WDR7: variants seen among roughly 807,000 people sequenced by gnomAD.
WDR7 encodes the protein WD repeat domain 7, also known as WD repeat-containing protein 7.
A neutral mutation model predicts 169.4 loss-of-function variants in WDR7; 46 were observed. That is an observed-to-expected ratio of 0.27 (90% CI 0.21 to 0.35). The LOEUF (loss-of-function observed/expected upper bound fraction) is 0.35. WDR7 is among the 10% of genes least tolerant of loss of function. The pLI, the probability that WDR7 is intolerant of heterozygous loss-of-function variation, is 1.00. For missense variants in WDR7, 1,534 were observed against 1,859.3 expected, an observed-to-expected ratio of 0.83 and a Z score of 3.22; for synonymous variants, 612 against 666.8, an observed-to-expected ratio of 0.92 and a Z score of 1.27.
Position 57,014,546 on chromosome 18 carries a change from A to G in WDR7, c.4165-6199A>G, listed in dbSNP as rs150174568. 3.8e-3 allele frequency among the ~76,000 whole-genome samples: 569 copies of G among 151,180 alleles called. 5 individuals are homozygous for G. Among genetic ancestry groups the G allele is most frequent in the East Asian group, 0.024 (123 of 5,126 alleles). On this transcript the variant is annotated intron_variant, in intron 26 of 27. Transcript: ENST00000254442. ...TTGGTGGGTGCCTATAATCCCAGCT[A>G]CTCAGGAGGCTGAGGCAGGAGAATC...
chr18:56,815,992 T>G, intron 19 of WDR7, 39 bp from the exon 20 acceptor site: 1 of 1,494,828 alleles, frequency 6.7e-7, no homozygotes, highest in Non-Finnish European at 9.0e-7. Context: ...TTACTTTTCA[T>G]TTTTTGAAGT....
intron 15 of WDR7, among the ~76,000 whole-genome samples, chr18:56,758,270 C>G (rs577343621): frequency 1.3e-5 from 2 of 152,274 alleles, no homozygotes; most frequent in Non-Finnish European, 2.9e-5. Flanking sequence ...GTGTCAGTCT[C>G]TGTTGTAAGT....
rs114842150 is a variant in WDR7, at chr18:56,796,097, G to A, written c.3190+14441G>A. The stretch of plus-strand genomic sequence containing the variant: ...TAATGCACTAAACATATTTATAACC[G>A]AAATCATAGATTATTGGATGTATAT... On this transcript the variant is annotated intron_variant, in intron 19 of 27. Transcript: ENST00000254442. 8.8e-4 allele frequency among the ~76,000 whole-genome samples: 134 copies of A among 152,220 alleles called. 1 individual carries two copies. Among genetic ancestry groups the A allele is most frequent in the African/African-American group, 3.0e-3 (124 of 41,506 alleles).
chr18:56,698,867 A>G (rs191972238), intron 12 of WDR7, among the ~76,000 whole-genome samples: 1 of 152,240 alleles, frequency 6.6e-6, no homozygotes, highest in Non-Finnish European at 1.5e-5. Flanking sequence ...CATGCTTAAC[A>G]ATAGAAATTT....
At position 57,027,194 on chromosome 18, in the gene WDR7, G is replaced by C; in HGVS notation, c.4460G>C (p.Arg1487Pro). ...ILMAHDGKEH[R>P]FMV ...ATGGCCCATGACGGGAAGGAGCACC[G>C]CTTCATGGTCTAATGCTGCTGCCTG... Residue 1487 changes from arginine to proline, a missense_variant, in exon 28 of 28, where the codon CGC becomes CCC. Coordinates refer to ENST00000254442, the MANE Select transcript of WDR7 (RefSeq NM_015285.3). 1 of 1,613,222 alleles carries C rather than the reference G, an allele frequency of 6.2e-7. No homozygotes were observed. The highest frequency in any genetic ancestry group is 2.2e-5 in the East Asian group (1 of 44,832).
chr18:56,778,923 G>C (rs760014702), intron 17 of WDR7, among the ~76,000 whole-genome samples: 3 of 152,134 alleles, frequency 2.0e-5, no homozygotes, highest in Admixed American at 2.0e-4. Context: ...TGTAAGAAAA[G>C]GTACCTTAAT....
At chr18:56,929,914 ATACT>A (rs2046857998) in intron 22 of WDR7, among the ~76,000 whole-genome samples, 1 of 152,212 alleles carries the variant, frequency 6.6e-6, no homozygotes, top group Non-Finnish European at 1.5e-5. Flanking sequence ...AAATCCCACT[ATACT>A]AAGGAGCAGA....
At chr18:56,957,295 C>T (rs761123390) in intron 25 of WDR7, 1 of 152,052 alleles carries the variant, frequency 6.6e-6, no homozygotes, top group Non-Finnish European at 1.5e-5. Context: ...AGGATCATTT[C>T]TATAGTTTGT....
chr18:57,008,328 A>G (rs2145908062), intron 26 of WDR7, among the ~76,000 whole-genome samples: 1 of 152,220 alleles, frequency 6.6e-6, no homozygotes, highest in Admixed American at 6.5e-5. Flanking sequence ...TTTTCTTAAA[A>G]CTAGTCTGAT....
At chr18:56,855,032 TAG>T (rs2045697873) in intron 20 of WDR7, among the ~76,000 whole-genome samples, 2 of 152,192 alleles carry the variant, frequency 1.3e-5, no homozygotes, top group Admixed American at 1.3e-4. Flanking sequence ...ATTAACTTTA[TAG>T]AGTCACATTC....
chr18:57,018,687 T>C (rs995284882), intron 26 of WDR7, among the ~76,000 whole-genome samples: 1 of 152,224 alleles, frequency 6.6e-6, no homozygotes, highest in Admixed American at 6.5e-5. Context: ...ACATCTATTA[T>C]CTAATTTCAG....
At chr18:56,982,224 G>A (rs2047656622) in intron 26 of WDR7, among the ~76,000 whole-genome samples, 1 of 152,126 alleles carries the variant, frequency 6.6e-6, no homozygotes, top group Admixed American at 6.5e-5. Context: ...GGGTTTCAAG[G>A]ACACACATTA....
intron 26 of WDR7, among the ~76,000 whole-genome samples, chr18:56,972,848 G>A (rs1035550758): frequency 2.0e-5 from 3 of 151,154 alleles, no homozygotes; most frequent in Admixed American, 6.6e-5. Flanking sequence ...GTTTTTTTTT[G>A]TTTTGTTTTG....
chr18:56,865,691 T>C (rs1201645525), intron 20 of WDR7, among the ~76,000 whole-genome samples: 1 of 152,194 alleles, frequency 6.6e-6, no homozygotes, highest in Non-Finnish European at 1.5e-5. Flanking sequence ...CATGCTGATT[T>C]TATTCTGTTA....
chr18:57,031,283 C>T (rs1022968308), downstream of WDR7: 1 of 152,134 alleles, frequency 6.6e-6, no homozygotes, highest in Admixed American at 6.5e-5. Flanking sequence ...TCCCAAGTCC[C>T]TTTAAGCAAA....
chr18:57,021,020 G>A (rs920267048), intron 27 of WDR7, among the ~76,000 whole-genome samples, 171 bp downstream of exon 27: 1 of 152,236 alleles, frequency 6.6e-6, no homozygotes, highest in African/African-American at 2.4e-5. Flanking sequence ...CTAGCATGCA[G>A]GGTGCTGAGA....
chr18:56,958,959 A>G (rs2047296031), intron 25 of WDR7, among the ~76,000 whole-genome samples: 1 of 152,182 alleles, frequency 6.6e-6, no homozygotes, highest in African/African-American at 2.4e-5. Context: ...GATGGAGGAT[A>G]AAAAGCAATA....
chr18:56,992,533 A>G (rs1259673914), intron 26 of WDR7, among the ~76,000 whole-genome samples: 1 of 152,220 alleles, frequency 6.6e-6, no homozygotes, highest in East Asian at 1.9e-4. Context: ...AGAAATTAAC[A>G]TATTTTTAAC....
intron 19 of WDR7, among the ~76,000 whole-genome samples, chr18:56,804,795 G>A (rs763871881): frequency 5.3e-5 from 8 of 152,104 alleles, no homozygotes; most frequent in Non-Finnish European, 8.8e-5. Context: ...TTTATTTTTC[G>A]CAAATGCAAA....
Sources: allele counts gnomAD v4.1 joint callset (sites outside exome capture counted in the v4.1 genomes callset), GRCh38; gene constraint gnomAD v4.1.1; transcripts MANE v1.5; gene names NCBI Gene and HGNC (gene_info 2026-07-23, HGNC 2026-07-21).